CMIP: variants seen among roughly 807,000 people sequenced by gnomAD.
CMIP encodes the protein C-Maf-inducing protein.
CMIP carries 13 observed loss-of-function variants against 97.3 expected under a neutral mutation model. That is an observed-to-expected ratio of 0.13 (90% confidence interval 0.09 to 0.21). The LOEUF is 0.21. CMIP is among the 10% of genes least tolerant of loss of function. CMIP has a pLI of 1.00. For missense variants in CMIP, 847 were observed against 1,024.9 expected, an observed-to-expected ratio of 0.83 and a Z score of 2.37; for synonymous variants, 538 against 436.3, an observed-to-expected ratio of 1.23 and a Z score of -2.91.
At chr16:81,635,694 A>G (rs2092225145) in intron 3 of CMIP, among the ~76,000 whole-genome samples, 3 of 152,344 alleles carry the variant, frequency 2.0e-5, no homozygotes, top group South Asian at 4.2e-4. Context: ...ATGAAATGAT[A>G]GACGTCAAGC....
chr16:81,501,611 T>A (rs78008547), intron 1 of CMIP, among the ~76,000 whole-genome samples: 1 of 148,922 alleles, frequency 6.7e-6, no homozygotes, highest in Admixed American at 6.6e-5. Flanking sequence ...TCTGGTTCTT[T>A]TTTTTTTTTT....
chr16:81,446,530 G>T (rs1905853792), intron 1 of CMIP, among the ~76,000 whole-genome samples: 1 of 152,028 alleles, frequency 6.6e-6, no homozygotes, highest in Non-Finnish European at 1.5e-5. Context: ...CCTGAGGCTT[G>T]CCGTGGGGGT....
intron 5 of CMIP, among the ~76,000 whole-genome samples, chr16:81,659,359 G>C (rs1023095242): frequency 1.3e-5 from 2 of 151,974 alleles, no homozygotes; most frequent in African/African-American, 4.8e-5. Flanking sequence ...TTTGTTCTGG[G>C]TGTTAGAGGG....
intron 1 of CMIP, among the ~76,000 whole-genome samples, chr16:81,572,444 T>C (rs2091109458): frequency 6.6e-6 from 1 of 152,226 alleles, no homozygotes; most frequent in Non-Finnish European, 1.5e-5. Flanking sequence ...CCTGCAGTCA[T>C]TCCTAAGCGG....
chr16:81,553,872 CG>C (rs2090710475), intron 1 of CMIP, among the ~76,000 whole-genome samples: 5 of 152,250 alleles, frequency 3.3e-5, no homozygotes, highest in Admixed American at 2.6e-4. Flanking sequence ...TGTGCAGACA[CG>C]TGGCCCCCCT....
At chr16:81,626,900 G>C (rs1007066590) in intron 3 of CMIP, among the ~76,000 whole-genome samples, 2 of 147,446 alleles carry the variant, frequency 1.4e-5, no homozygotes, top group Non-Finnish European at 3.0e-5. Context: ...TGTGGCCTGT[G>C]GGGTGACTAT....
chr16:81,508,022 C>A (rs746894891), intron 1 of CMIP, among the ~76,000 whole-genome samples: 4 of 152,170 alleles, frequency 2.6e-5, no homozygotes, highest in African/African-American at 7.2e-5. Context: ...ACCTATCCAC[C>A]CATGCTTAAC....
At position 81,709,020 on chromosome 16, in the gene CMIP, TA is replaced by T. The variant is rs1251833205; in HGVS notation, c.2269-725del. Among the ~76,000 whole-genome samples, 8 of 152,308 alleles carry T rather than the reference TA, an allele frequency of 5.3e-5. No homozygotes were observed. In the South Asian group the frequency reaches 1.7e-3, roughly 32 times the overall value. On this transcript the variant is annotated intron_variant, in intron 20 of 20. Coordinates refer to ENST00000537098, the MANE Select transcript of CMIP (RefSeq NM_198390.3). ...GTTAGGAGGCAGCTACCTCTCTGTATAGTGGAGGCTTGTTAAGAAAAAAAGC... is the reference window on the plus strand; with the variant it reads ...GTTAGGAGGCAGCTACCTCTCTGTATGTGGAGGCTTGTTAAGAAAAAAAGC...
chr16:81,635,053 C>T (rs1177422362), intron 3 of CMIP, among the ~76,000 whole-genome samples: 1 of 152,184 alleles, frequency 6.6e-6, no homozygotes, highest in Non-Finnish European at 1.5e-5. Flanking sequence ...TGGGGCTGCC[C>T]GCCTCCCACA....
intron 3 of CMIP, among the ~76,000 whole-genome samples, chr16:81,648,159 C>G (rs2092387084): frequency 1.5e-5 from 2 of 137,344 alleles, no homozygotes; most frequent in South Asian, 4.7e-4. Context: ...TTCAGGATCT[C>G]TTGGCAAATC....
intron 16 of CMIP, among the ~76,000 whole-genome samples, chr16:81,702,165 A>G (rs1907491215): frequency 6.6e-6 from 1 of 152,176 alleles, no homozygotes; most frequent in South Asian, 2.1e-4. Context: ...GTGTACACAG[A>G]AGGACGGAAG....
chr16:81,545,632 G>A (rs2090531736), intron 1 of CMIP, among the ~76,000 whole-genome samples: 1 of 152,172 alleles, frequency 6.6e-6, no homozygotes, highest in East Asian at 1.9e-4. Context: ...AGCACGGGGC[G>A]GACCTGCGAT....
chr16:81,590,823 TCATCCATC>T (rs79228744), intron 1 of CMIP, among the ~76,000 whole-genome samples: 8,670 of 150,610 alleles, frequency 0.058, 779 homozygotes, highest in African/African-American at 0.19. Context: ...TCACTTTCTC[TCATCCATC>T]CATCCATCCA....
Position 81,652,751 on chromosome 16 carries a change from A to G in CMIP, c.639+387A>G, listed in dbSNP as rs1001009193. ...ATGTGCTCTGTTTAATTTAAACACC[A>G]TTTTAAAAATCAGGAGATTTCACAG... On this transcript the variant is annotated intron_variant, in intron 4 of 20. Transcript: ENST00000537098. The surrounding 1 kb of genome is among the most constrained non-coding windows in gnomAD (Gnocchi z 5.2). Among the ~76,000 whole-genome samples, 6 of 152,188 alleles carry G rather than the reference A, an allele frequency of 3.9e-5. No homozygotes were observed. The highest frequency in any genetic ancestry group is 7.3e-5 in the Non-Finnish European group (5 of 68,036).
At chr16:81,516,728 G>C (rs777576972) in intron 1 of CMIP, among the ~76,000 whole-genome samples, 130 of 152,222 alleles carry the variant, frequency 8.5e-4, no homozygotes, top group Non-Finnish European at 1.6e-3. Context: ...GGGCTGGCTA[G>C]TGTACCACTG....
rs549725849 is a variant in CMIP at position 81,530,377 on chromosome 16, C to T, written c.301-77190C>T. On this transcript the variant is annotated intron_variant, in intron 1 of 20. Transcript: ENST00000537098. Reference sequence around the variant, plus strand: ...TAGGTGCAGTTCCTGTTCCTCCCGTCTCGCCTCTGTTGCGCTGCAAGGTGG... The same window carrying T: ...TAGGTGCAGTTCCTGTTCCTCCCGTTTCGCCTCTGTTGCGCTGCAAGGTGG... 3.9e-5 allele frequency among the ~76,000 whole-genome samples: 6 copies of T among 152,280 alleles called. No homozygotes were observed. The South Asian group carries it at 1.2e-3, about 32-fold the overall frequency.
intron 1 of CMIP, among the ~76,000 whole-genome samples, chr16:81,544,192 G>A (rs997688081): frequency 6.6e-6 from 1 of 152,256 alleles, no homozygotes; most frequent in Non-Finnish European, 1.5e-5. Context: ...CACAGTGAGT[G>A]TGAACTCACG....
At chr16:81,697,523 G>A (rs1165856062) in intron 14 of CMIP, 1 of 152,258 alleles carries the variant, frequency 6.6e-6, no homozygotes, top group Non-Finnish European at 1.5e-5. Context: ...GCTCTGCTGG[G>A]AGCTAGCTTG....
rs571431553 is a variant in CMIP, at chr16:81,527,920, A to G, written c.301-79647A>G. ...CGTATGCCTTTTTGGGAATGTGTGC[A>G]TGAAATTCTGTTGGCTTATAGTTAG... is the stretch of plus-strand genomic sequence containing the variant. On this transcript the variant is annotated intron_variant, in intron 1 of 20. Coordinates refer to ENST00000537098, the MANE Select transcript of CMIP (RefSeq NM_198390.3). Among the ~76,000 whole-genome samples, 341 of 152,336 alleles carry G rather than the reference A, an allele frequency of 2.2e-3. 1 individual carries two copies. The highest frequency in any genetic ancestry group is 3.2e-3 in the Non-Finnish European group (218 of 68,032).
Sources: allele counts gnomAD v4.1 joint callset (sites outside exome capture counted in the v4.1 genomes callset), GRCh38; gene constraint gnomAD v4.1.1; non-coding constraint Gnocchi (gnomAD v3.1); transcripts MANE v1.5; gene names NCBI Gene and HGNC (gene_info 2026-07-23, HGNC 2026-07-21).